LEMD3: variants seen among roughly 807,000 people sequenced by gnomAD.
The protein encoded by LEMD3 is inner nuclear membrane protein Man1.
A neutral mutation model predicts 95.2 loss-of-function variants in LEMD3; 33 were observed. The ratio of observed to expected loss-of-function variants is 0.35; its 90% CI spans 0.26 to 0.46. LEMD3 has a LOEUF of 0.46. Among genes scored for constraint, LEMD3 ranks in the 20% least tolerant of loss-of-function variants. LEMD3 has a pLI of 1.00. For missense variants in LEMD3, 1,210 were observed against 1,192.8 expected (o/e 1.01, Z -0.21); for synonymous variants, 525 against 474.6 (o/e 1.11, Z -1.38).
In LEMD3 at chr12:65,241,184, A is replaced by G. The variant is rs1454262723; in HGVS notation, c.2305+97A>G. 3.9e-6 allele frequency: 4 copies of G among 1,017,308 alleles called. No homozygotes were observed. In the East Asian group the frequency reaches 7.7e-5, roughly 20 times the overall value. 63.0% of individuals were successfully genotyped at this position (1,017,308 alleles called of 1,614,324 possible). On this transcript the variant is annotated intron_variant, in intron 9 of 12. Coordinates refer to ENST00000308330, the MANE Select transcript of LEMD3 (RefSeq NM_014319.5). ...AACAGTACAATTCAAAGATGTATGA[A>G]GGCAAAACTCTCTCGTTCTGTTTCG...
chr12:65,242,918 CT>C (rs1870978534), intron 9 of LEMD3, among the ~76,000 whole-genome samples: 2 of 152,124 alleles, frequency 1.3e-5, no homozygotes, highest in Admixed American at 1.3e-4. Flanking sequence ...CTTAAATAAT[CT>C]GACATCTTCT....
rs181449713 is a variant in LEMD3 at position 65,193,670 on chromosome 12, A to G, written c.1523-17256A>G. Among the ~76,000 whole-genome samples the G allele has an allele frequency of 3.7e-3, 562 of 151,650 alleles. 2 individuals carry two copies. The highest frequency in any genetic ancestry group is 0.013 in the African/African-American group (537 of 41,286). ...GGATCCCTGGCTCTGGCTGCAACCAATTATTAGAGAGACAGTTAACAACTG... is the reference window on the plus strand; with the variant it reads ...GGATCCCTGGCTCTGGCTGCAACCAGTTATTAGAGAGACAGTTAACAACTG... On this transcript the variant is annotated intron_variant, in intron 1 of 12. Coordinates refer to ENST00000308330, the MANE Select transcript of LEMD3 (RefSeq NM_014319.5).
rs182443008 is a variant in LEMD3 at position 65,225,333 on chromosome 12, A to C, written c.1695+6714A>C. Reference sequence around the variant, plus strand: ...TTTAACAACAACAGAAATAAAAAAAACAGCCACCTTTGTAGACTTTGTGTG... The same window carrying C: ...TTTAACAACAACAGAAATAAAAAAACCAGCCACCTTTGTAGACTTTGTGTG... On this transcript the variant is annotated intron_variant, in intron 4 of 12. Coordinates refer to ENST00000308330, the MANE Select transcript of LEMD3 (RefSeq NM_014319.5). Among the ~76,000 whole-genome samples, 1,141 of 152,344 alleles carry C rather than the reference A, an allele frequency of 7.5e-3. 13 individuals are homozygous for C. The highest frequency in any genetic ancestry group is 0.011 in the Non-Finnish European group (728 of 68,030).
At chr12:65,219,363 G>A (rs996199628) in intron 4 of LEMD3, among the ~76,000 whole-genome samples, 12 of 152,296 alleles carry the variant, frequency 7.9e-5, no homozygotes, top group African/African-American at 2.4e-4. Flanking sequence ...ATGGATAAAT[G>A]TCATTCTGAT....
chr12:65,245,273 G>T (rs1185443708), intron 10 of LEMD3: 1 of 198,338 alleles, frequency 5.0e-6, no homozygotes, highest in Non-Finnish European at 1.0e-5. Flanking sequence ...TGGGACTACA[G>T]ACACCTGCCA....
chr12:65,172,428 A>T (rs1491000986), intron 1 of LEMD3, among the ~76,000 whole-genome samples: 1 of 152,198 alleles, frequency 6.6e-6, no homozygotes, highest in Non-Finnish European at 1.5e-5. Flanking sequence ...AAAGAGTAGG[A>T]GTCAAAATAA....
At chr12:65,176,903 T>C (rs1484603315) in intron 1 of LEMD3, among the ~76,000 whole-genome samples, 2 of 152,354 alleles carry the variant, frequency 1.3e-5, no homozygotes, top group South Asian at 2.1e-4. Flanking sequence ...TCAGGATATA[T>C]GCACTGTTAA....
At chr12:65,186,627 A>G (rs1285910948) in intron 1 of LEMD3, among the ~76,000 whole-genome samples, 1 of 121,462 alleles carries the variant, frequency 8.2e-6, no homozygotes, top group Admixed American at 8.2e-5. Flanking sequence ...GTTGGTTTAG[A>G]TTGCTTTTTT....
intron 1 of LEMD3, among the ~76,000 whole-genome samples, chr12:65,189,341 G>A (rs974807533): frequency 6.6e-6 from 1 of 152,154 alleles, no homozygotes; most frequent in Non-Finnish European, 1.5e-5. Flanking sequence ...TAAAAAGGTT[G>A]ATGGCTAGAA....
Position 65,240,916 on chromosome 12 carries a change from A to G in LEMD3, c.2134A>G (p.Met712Val). The G allele has an allele frequency of 1.9e-6, 3 of 1,614,018 alleles. No homozygotes were observed. The highest frequency in any genetic ancestry group is 2.5e-6 in the Non-Finnish European group (3 of 1,179,902). ...SLIQPHDRKKMKKVWDRAVDF... is the reference protein window; with the variant it reads ...SLIQPHDRKKVKKVWDRAVDF... ...ATTTTGTTCACATGATAGGAAAAAA[A>G]TGAAGAAAGTCTGGGATAGAGCTGT... Residue 712 changes from methionine to valine, a missense_variant, in exon 9 of 13, where the codon ATG becomes GTG. By Grantham distance (21) the Met-to-Val change is conservative (BLOSUM62 1). Transcript: ENST00000308330.
At chr12:65,197,717 A>G (rs1869475970) in intron 1 of LEMD3, among the ~76,000 whole-genome samples, 1 of 152,056 alleles carries the variant, frequency 6.6e-6, no homozygotes, top group Admixed American at 6.6e-5. Context: ...CTTTAAATTC[A>G]GTTTATATGT....
chr12:65,243,319 C>A, intron 9 of LEMD3, 69 bp from the exon 10 acceptor site: 2 of 955,032 alleles, frequency 2.1e-6, no homozygotes, highest in Non-Finnish European at 3.4e-6. Flanking sequence ...TTTGAATGAA[C>A]TGAATGATTG....
rs373288363 is a variant in LEMD3, at chr12:65,169,635, G to A, written c.39G>A (p.Ser13=). The A allele has an allele frequency of 1.2e-4, 191 of 1,589,548 alleles. No homozygotes were observed. The highest frequency in any genetic ancestry group is 1.5e-4 in the Non-Finnish European group (177 of 1,169,922). ...CAGCTTCGGCGCCTCAGCAGCTCTC[G>A]GATGAGGAGCTTTTCTCTCAGCTCC... ...AAAASAPQQL[S]DEELFSQLRR... The change falls in exon 1 of 13, where the codon TCG becomes TCA. Residue 13 remains serine, a synonymous_variant. Coordinates refer to ENST00000308330, the MANE Select transcript of LEMD3 (RefSeq NM_014319.5).
At chr12:65,190,136 C>T (rs942922719) in intron 1 of LEMD3, among the ~76,000 whole-genome samples, 1 of 152,110 alleles carries the variant, frequency 6.6e-6, no homozygotes, top group African/African-American at 2.4e-5. Flanking sequence ...GTATTATAAC[C>T]AGTGTTTCCA....
At position 65,170,313 on chromosome 12, in the gene LEMD3, G is replaced by A. The variant is rs1332628814; in HGVS notation, c.717G>A (p.Trp239Ter). ...ACCCGGAGACCGAGGAGCCGCTCTG[G>A]GCGAGCCGGACCGTGAATGGCAGCC... is the stretch of plus-strand genomic sequence containing the variant. ...ERDPETEEPL[W>*]ASRTVNGSRL... The change falls in exon 1 of 13, where the codon TGG (tryptophan) becomes TGA (stop). Residue 239 changes from tryptophan to a stop codon, truncating the protein, a stop_gained. Transcript: ENST00000308330. LOFTEE classifies it high-confidence loss of function. 6.3e-7 allele frequency: 1 copy of A among 1,593,160 alleles called. No homozygotes were observed. The highest frequency in any genetic ancestry group is 8.5e-7 in the Non-Finnish European group (1 of 1,169,734).
chr12:65,224,950 G>T (rs1870403153), intron 4 of LEMD3, among the ~76,000 whole-genome samples: 1 of 151,862 alleles, frequency 6.6e-6, no homozygotes, highest in Non-Finnish European at 1.5e-5. Flanking sequence ...CATTTTGCTT[G>T]TCTGACAGAA....
intron 1 of LEMD3, among the ~76,000 whole-genome samples, chr12:65,190,906 A>G (rs948894632): frequency 2.4e-4 from 37 of 152,204 alleles, no homozygotes; most frequent in African/African-American, 8.7e-4. Context: ...ATAGTTTACC[A>G]AATTGTTGAA....
chr12:65,243,662 A>T (rs1280992183), intron 10 of LEMD3, among the ~76,000 whole-genome samples, 193 bp downstream of exon 10: 1 of 152,218 alleles, frequency 6.6e-6, no homozygotes, highest in African/African-American at 2.4e-5. Flanking sequence ...ATGTATAAAG[A>T]TTTGTAAAAC....
chr12:65,194,217 AAGTT>A (rs1276014410), intron 1 of LEMD3, among the ~76,000 whole-genome samples: 3 of 152,124 alleles, frequency 2.0e-5, no homozygotes, highest in African/African-American at 7.2e-5. Context: ...TACATACAAA[AAGTT>A]AGCCCACTGT....
Sources: gnomAD v4.1 joint callset for allele counts (sites outside exome capture counted in the v4.1 genomes callset) on GRCh38, gnomAD v4.1.1 for gene constraint, MANE v1.5 for transcripts, NCBI Gene and HGNC (gene_info 2026-07-23, HGNC 2026-07-21) for gene names.